Variants in ZNF277 observed in about 807,000 individuals in gnomAD.
ZNF277 encodes nuclear receptor-interacting factor 4.
ZNF277 carries 55 observed loss-of-function variants against 60.7 expected under a neutral mutation model. The ratio of observed to expected loss-of-function variants is 0.91; its 90% CI spans 0.73 to 1.13. The LOEUF (loss-of-function observed/expected upper bound fraction) is 1.13, where lower values mean the gene tolerates loss of function less well. Among genes scored for constraint, ZNF277 ranks in the 50% most tolerant of loss-of-function variants. ZNF277 has a pLI of 0.00. For missense variants in ZNF277, 510 were observed against 523.0 expected (o/e 0.98, Z 0.24); for synonymous variants, 178 against 179.3 (o/e 0.99, Z 0.06).
rs187697859 is a variant in ZNF277 at position 112,270,479 on chromosome 7, G to A, written c.92-16394G>A. 3.2e-4 allele frequency among the ~76,000 whole-genome samples: 49 copies of A among 152,096 alleles called. No homozygotes were observed. The East Asian group carries it at 7.7e-3, about 24-fold the overall frequency. On this transcript the variant is annotated intron_variant, in intron 1 of 11. Transcript: ENST00000361822. ...CTTGCTTTTAATAATGAGAAAGCTCGGCCCTGATTGATTCAAACCACTGTT... is the reference window on the plus strand; with the variant it reads ...CTTGCTTTTAATAATGAGAAAGCTCAGCCCTGATTGATTCAAACCACTGTT...
chr7:112,261,458 A>C (rs1387422204), intron 1 of ZNF277, among the ~76,000 whole-genome samples: 1 of 152,164 alleles, frequency 6.6e-6, no homozygotes. Flanking sequence ...TTTTCAGATT[A>C]AGAAAACTGA....
At chr7:112,324,283 A>G (rs1793050860) in intron 5 of ZNF277, among the ~76,000 whole-genome samples, 3 of 152,246 alleles carry the variant, frequency 2.0e-5, no homozygotes, top group Admixed American at 2.0e-4. Flanking sequence ...GATGTAATTT[A>G]TTGCATATTG....
At chr7:112,307,264 A>C (rs545746691) in intron 4 of ZNF277, among the ~76,000 whole-genome samples, 1 of 151,982 alleles carries the variant, frequency 6.6e-6, no homozygotes, top group South Asian at 2.1e-4. Flanking sequence ...GAATTATTTA[A>C]AATACAAACT....
At chr7:112,240,120 A>G (rs1790912205) in intron 1 of ZNF277, among the ~76,000 whole-genome samples, 1 of 152,194 alleles carries the variant, frequency 6.6e-6, no homozygotes, top group Non-Finnish European at 1.5e-5. Flanking sequence ...AAAAATTGAA[A>G]TGCCAGAAAT....
chr7:112,250,537 A>G (rs768698659), intron 1 of ZNF277, among the ~76,000 whole-genome samples: 8 of 152,164 alleles, frequency 5.3e-5, no homozygotes, highest in Non-Finnish European at 8.8e-5. Context: ...CACAGAACCT[A>G]CCGACATGTG....
At chr7:112,217,231 G>A (rs753762144) in intron 1 of ZNF277, among the ~76,000 whole-genome samples, 15 of 152,160 alleles carry the variant, frequency 9.9e-5, no homozygotes, top group Non-Finnish European at 1.5e-4. Context: ...TTCCCAACAG[G>A]TGGTACTGGG....
chr7:112,259,193 T>C (rs1791388221), intron 1 of ZNF277, among the ~76,000 whole-genome samples: 1 of 152,142 alleles, frequency 6.6e-6, no homozygotes, highest in Non-Finnish European at 1.5e-5. Flanking sequence ...TTTGTTTCAT[T>C]ACCCCCAAAT....
rs770328156 is a variant in ZNF277, at chr7:112,343,548, T to G, written c.*819T>G. Among the ~76,000 whole-genome samples the G allele has an allele frequency of 1.9e-4, 29 of 152,178 alleles. No individual in the cohort carries two copies. Among genetic ancestry groups the G allele is most frequent in the Non-Finnish European group, 1.8e-4 (12 of 68,040 alleles). ...CTGATGAATATTATATGCCTCCTGA[T>G]AAGATGTACTGAGGAGGACAGAATA... On this transcript the variant is annotated 3_prime_UTR_variant, in exon 12 of 12. Transcript: ENST00000361822.
intron 1 of ZNF277, among the ~76,000 whole-genome samples, chr7:112,233,465 T>C (rs938210987): frequency 6.6e-6 from 1 of 152,202 alleles, no homozygotes; most frequent in Non-Finnish European, 1.5e-5. Context: ...TCTCAACTAC[T>C]TTTAGCATAT....
intron 1 of ZNF277, among the ~76,000 whole-genome samples, chr7:112,230,022 G>A (rs887802409): frequency 7.0e-6 from 1 of 142,416 alleles, no homozygotes; most frequent in East Asian, 1.9e-4. Flanking sequence ...AGCAAGGACT[G>A]CATTATAAAG....
chr7:112,296,888 TTTTATTTATTTATTTA>T (rs764539582), intron 4 of ZNF277, among the ~76,000 whole-genome samples: 2 of 62,186 alleles, frequency 3.2e-5, no homozygotes, highest in African/African-American at 1.2e-4. Flanking sequence ...CTTATTTTTA[TTTTATTTATTTATTTA>T]TTTATTTATT....
intron 5 of ZNF277, among the ~76,000 whole-genome samples, chr7:112,326,789 T>C (rs983565482): frequency 1.3e-4 from 20 of 152,086 alleles, no homozygotes; most frequent in Non-Finnish European, 2.5e-4. Flanking sequence ...AACCATATGA[T>C]ATGTCACTAT....
At chr7:112,288,677 G>A (rs1430753977) in intron 2 of ZNF277, 1 of 157,918 alleles carries the variant, frequency 6.3e-6, no homozygotes, top group Non-Finnish European at 1.5e-5. Flanking sequence ...CGCCAGGGTT[G>A]ATTCGGCTGA....
intron 7 of ZNF277, among the ~76,000 whole-genome samples, chr7:112,333,986 G>A (rs989022004): frequency 1.1e-4 from 16 of 152,088 alleles, no homozygotes; most frequent in African/African-American, 3.9e-4. Flanking sequence ...TTTCTAAAGG[G>A]AATTGGTTTT....
intron 1 of ZNF277, among the ~76,000 whole-genome samples, chr7:112,251,294 T>C (rs560018904): frequency 1.3e-5 from 2 of 152,318 alleles, no homozygotes; most frequent in South Asian, 4.1e-4. Flanking sequence ...TGAAGGACAG[T>C]TGGCACAGAT....
rs148467338 is a variant in ZNF277, at chr7:112,286,263, C to G, written c.92-610C>G. Reference sequence around the variant, plus strand: ...ACAGAAGCCTGAATTGTAATGCATACTTGTGTAATAGGCAAATGATAAACA... The same window carrying G: ...ACAGAAGCCTGAATTGTAATGCATAGTTGTGTAATAGGCAAATGATAAACA... On this transcript the variant is annotated intron_variant, in intron 1 of 11. Coordinates refer to ENST00000361822, the MANE Select transcript of ZNF277 (RefSeq NM_021994.3). 3.7e-3 allele frequency among the ~76,000 whole-genome samples: 564 copies of G among 152,302 alleles called. 3 individuals are homozygous for G. The highest frequency in any genetic ancestry group is 0.013 in the African/African-American group (529 of 41,556).
intron 4 of ZNF277, among the ~76,000 whole-genome samples, chr7:112,311,157 G>A (rs943803272): frequency 2.6e-5 from 4 of 151,958 alleles, no homozygotes; most frequent in African/African-American, 9.7e-5. Flanking sequence ...CTACCTATGT[G>A]TCAATCCCCT....
In ZNF277 at chr7:112,252,194, A is replaced by G. The variant is rs111852989; in HGVS notation, c.92-34679A>G. ...TTACTACATTATTTAAGAAGTATAC[A>G]GTTAATGAAAGTTCCATTGATTTGC... On this transcript the variant is annotated intron_variant, in intron 1 of 11. Transcript: ENST00000361822. 7.5e-4 allele frequency among the ~76,000 whole-genome samples: 114 copies of G among 152,348 alleles called. 2 individuals carry two copies. The highest frequency in any genetic ancestry group is 2.7e-3 in the African/African-American group (111 of 41,590).
chr7:112,228,649 A>G (rs1563197564), intron 1 of ZNF277, among the ~76,000 whole-genome samples: 1 of 148,964 alleles, frequency 6.7e-6, no homozygotes. Context: ...CTTTTCCAAC[A>G]CTCTTATTTT....
Sources: allele counts gnomAD v4.1 joint callset (sites outside exome capture counted in the v4.1 genomes callset), GRCh38; gene constraint gnomAD v4.1.1; transcripts MANE v1.5; gene names NCBI Gene and HGNC (gene_info 2026-07-23, HGNC 2026-07-21).